The following CLYBL variants were observed in gnomAD, a reference collection of about 807,000 sequenced individuals.
CLYBL encodes citramalyl-CoA lyase, mitochondrial.
In CLYBL, 31 loss-of-function variants were observed where a neutral mutation model predicts 38.9. That is an observed-to-expected ratio of 0.80 (90% CI 0.60 to 1.08). The LOEUF (loss-of-function observed/expected upper bound fraction) is 1.08. Ranked by LOEUF, CLYBL falls within the 50% of genes least tolerant of loss-of-function variation. CLYBL has a pLI of 0.00. For missense variants in CLYBL, 434 were observed against 411.6 expected (o/e 1.05, Z -0.47); for synonymous variants, 171 against 158.6 (o/e 1.08, Z -0.59).
At chr13:99,833,010 A>ATATATATATC (rs2050843087) in intron 2 of CLYBL, among the ~76,000 whole-genome samples, 1 of 26,826 alleles carries the variant, frequency 3.7e-5, no homozygotes, top group Non-Finnish European at 7.7e-5. Context: ...ATACATACAT[A>ATATATATATC]TATATATATA....
intron 1 of CLYBL, among the ~76,000 whole-genome samples, chr13:99,730,848 C>T (rs985351898): frequency 3.4e-4 from 51 of 152,040 alleles, no homozygotes; most frequent in African/African-American, 1.1e-3. Context: ...TTTGGGAGGC[C>T]GAGGCAGGTG....
intron 1 of CLYBL, among the ~76,000 whole-genome samples, chr13:99,691,862 C>A (rs886176818): frequency 1.3e-5 from 2 of 152,146 alleles, no homozygotes; most frequent in African/African-American, 4.8e-5. Flanking sequence ...TACAGAAGGA[C>A]CCATGGGATG....
At position 99,864,909 on chromosome 13, in the gene CLYBL, T is replaced by C. The variant is rs1241555707; in HGVS notation, c.632T>C (p.Ile211Thr). ...VFGGEDFRAS[I>T]GATSSKETLD... ...GGAGGAGAAGACTTTCGAGCCAGCA[T>C]AGGTGTCAAAGACATCTCTCTCTCT... Residue 211 changes from isoleucine (I) to threonine (T), a missense_variant and splice_region_variant, in exon 5 of 9, where the codon ATA (isoleucine) becomes ACA (threonine). By Grantham distance (89) the Ile-to-Thr change is moderately conservative (BLOSUM62 -1). Coordinates refer to ENST00000339105, the MANE Select transcript of CLYBL (RefSeq NM_206808.5). 2.6e-6 allele frequency: 4 copies of C among 1,565,860 alleles called. No individual in the cohort carries two copies. Among genetic ancestry groups the C allele is most frequent in the Non-Finnish European group, 3.5e-6 (4 of 1,141,938 alleles).
intron 2 of CLYBL, among the ~76,000 whole-genome samples, chr13:99,801,739 G>A (rs1357557179): frequency 2.0e-5 from 3 of 152,146 alleles, no homozygotes; most frequent in African/African-American, 4.8e-5. Flanking sequence ...AAACACGGCC[G>A]GGTGCAGTGG....
At chr13:99,692,308 T>G (rs140454723) in intron 1 of CLYBL, among the ~76,000 whole-genome samples, 5,673 of 151,580 alleles carry the variant, frequency 0.037, 125 homozygotes, top group Non-Finnish European at 0.049. Flanking sequence ...TTGTTTGTTT[T>G]TTTGAGACAG....
At chr13:99,837,960 TG>T in intron 2 of CLYBL, among the ~76,000 whole-genome samples, 1 of 152,358 alleles carries the variant, frequency 6.6e-6, no homozygotes, top group Non-Finnish European at 1.5e-5. Context: ...ATTTTTTACA[TG>T]ATATCTCTGG....
chr13:99,687,077 G>T (rs1180984994), intron 1 of CLYBL, among the ~76,000 whole-genome samples: 2 of 152,182 alleles, frequency 1.3e-5, no homozygotes, highest in East Asian at 1.9e-4. Context: ...GCCCGCTGCA[G>T]CTGTCTTCAT....
At chr13:99,755,720 G>A (rs1408286944) in intron 1 of CLYBL, among the ~76,000 whole-genome samples, 1 of 152,146 alleles carries the variant, frequency 6.6e-6, no homozygotes, top group African/African-American at 2.4e-5. Context: ...CTCCCATGAA[G>A]TCTCCCAGAG....
chr13:99,699,347 T>C (rs994491279), intron 1 of CLYBL, among the ~76,000 whole-genome samples: 69 of 149,700 alleles, frequency 4.6e-4, no homozygotes, highest in African/African-American at 1.6e-3. Flanking sequence ...ATCGTGCCAT[T>C]GCACTCCAGC....
intron 1 of CLYBL, among the ~76,000 whole-genome samples, chr13:99,746,661 T>C (rs2048856664): frequency 6.6e-6 from 1 of 152,182 alleles, no homozygotes; most frequent in Non-Finnish European, 1.5e-5. Context: ...CCAAAATTAT[T>C]AATGATCTCT....
intron 9 of CLYBL, among the ~76,000 whole-genome samples, chr13:99,907,034 T>C (rs1201592651): frequency 6.6e-6 from 1 of 152,222 alleles, no homozygotes; most frequent in Non-Finnish European, 1.5e-5. Context: ...ATCATGTAAA[T>C]TACAGAGGTA....
intron 1 of CLYBL, among the ~76,000 whole-genome samples, chr13:99,625,986 G>A (rs1190878144): frequency 6.6e-6 from 1 of 152,222 alleles, no homozygotes; most frequent in East Asian, 1.9e-4. Flanking sequence ...GGCTGGCTGC[G>A]TGGAAGAGGC....
In CLYBL at chr13:99,804,967, A is replaced by G. The variant is rs758369536; in HGVS notation, c.249+31957A>G. ...AACTCCCATTCTGCTTTCTGTCTATATGAATTTGTCTACTCTAGATACCTC... is the reference window on the plus strand; with the variant it reads ...AACTCCCATTCTGCTTTCTGTCTATGTGAATTTGTCTACTCTAGATACCTC... On this transcript the variant is annotated intron_variant, in intron 2 of 8. Transcript: ENST00000339105. Among the ~76,000 whole-genome samples, 11 of 152,022 alleles carry G rather than the reference A, an allele frequency of 7.2e-5. 1 individual carries two copies. Among genetic ancestry groups the G allele is most frequent in the Admixed American group, 3.3e-4 (5 of 15,248 alleles).
rs376455307 is a variant in CLYBL, at chr13:99,711,860, C to T, written c.63-60964C>T. Reference sequence around the variant, plus strand: ...CCTCCAGAGTAGCTGGGATTACAGGCGCCCACCATCACGCCCGGCTAATTT... The same window carrying T: ...CCTCCAGAGTAGCTGGGATTACAGGTGCCCACCATCACGCCCGGCTAATTT... On this transcript the variant is annotated intron_variant, in intron 1 of 8. Transcript: ENST00000339105. Among the ~76,000 whole-genome samples, 58 of 151,780 alleles carry T rather than the reference C, an allele frequency of 3.8e-4. No individual in the cohort carries two copies. In the East Asian group the frequency reaches 8.9e-3, roughly 23 times the overall value.
At chr13:99,864,419 GC>G (rs1469822200) in intron 4 of CLYBL, among the ~76,000 whole-genome samples, 2 of 152,226 alleles carry the variant, frequency 1.3e-5, no homozygotes, top group Non-Finnish European at 2.9e-5. Flanking sequence ...TGATCCTAAT[GC>G]AAATAATTCA....
At chr13:99,721,341 G>T (rs1449536744) in intron 1 of CLYBL, among the ~76,000 whole-genome samples, 1 of 151,832 alleles carries the variant, frequency 6.6e-6, no homozygotes, top group Non-Finnish European at 1.5e-5. Context: ...ATGACTCCCG[G>T]CCCCTAATTC....
chr13:99,843,298 C>A (rs1566350223), intron 2 of CLYBL, among the ~76,000 whole-genome samples: 1 of 152,214 alleles, frequency 6.6e-6, no homozygotes. Context: ...GGTTTATCAT[C>A]TTTCGGGAAT....
intron 7 of CLYBL, among the ~76,000 whole-genome samples, chr13:99,888,146 T>C (rs1470391190): frequency 1.3e-5 from 2 of 152,088 alleles, no homozygotes; most frequent in Non-Finnish European, 2.9e-5. Flanking sequence ...TAAGCCACCA[T>C]GCACAGGCTG....
chr13:99,657,041 A>G (rs960174304), intron 1 of CLYBL, among the ~76,000 whole-genome samples: 5 of 152,196 alleles, frequency 3.3e-5, no homozygotes, highest in Non-Finnish European at 7.4e-5. Flanking sequence ...TGCCTGGTTC[A>G]ATTCTGTCTT....
Sources: allele counts gnomAD v4.1 joint callset (sites outside exome capture counted in the v4.1 genomes callset), GRCh38; gene constraint gnomAD v4.1.1; transcripts MANE v1.5; gene names NCBI Gene and HGNC (gene_info 2026-07-23, HGNC 2026-07-21).